Variants in YY1 observed in about 807,000 individuals in gnomAD.
YY1 encodes the protein YY1 transcription factor.
Under a neutral mutation model 35.6 loss-of-function variants are expected in YY1, and 2 were observed. The observed-to-expected ratio is 0.06, with a 90% CI of 0.02 to 0.18. The LOEUF (loss-of-function observed/expected upper bound fraction) is 0.18, where lower values mean the gene tolerates loss of function less well. Among genes scored for constraint, YY1 ranks in the 10% least tolerant of loss-of-function variants. The probability of loss-of-function intolerance (pLI) is 1.00; values close to 1 mark genes in which losing one functional copy is unlikely to be tolerated. For missense variants in YY1, 322 were observed against 573.4 expected (o/e 0.56, Z 4.48); for synonymous variants, 268 against 238.9 (o/e 1.12, Z -1.12).
At chr14:100,248,548 C>T (rs1027824644) in intron 1 of YY1, among the ~76,000 whole-genome samples, 9 of 152,100 alleles carry the variant, frequency 5.9e-5, no homozygotes, top group African/African-American at 2.2e-4. Context: ...CTGGAGTGCA[C>T]TGGCTATTCA....
At chr14:100,274,615 G>A in intron 2 of YY1, 83 bp from the exon 3 acceptor site, 3 of 1,234,470 alleles carry the variant, frequency 2.4e-6, no homozygotes, top group Non-Finnish European at 3.6e-6. Flanking sequence ...TATAAGGAAA[G>A]CATTTTAGGG....
chr14:100,240,677 C>T (rs1413855429), intron 1 of YY1, among the ~76,000 whole-genome samples: 2 of 152,332 alleles, frequency 1.3e-5, no homozygotes, highest in African/African-American at 2.4e-5. Flanking sequence ...GAGCGTCAGT[C>T]GGAGCCTGTC....
chr14:100,272,147 T>C (rs1891247796), intron 2 of YY1, among the ~76,000 whole-genome samples: 1 of 151,868 alleles, frequency 6.6e-6, no homozygotes, highest in Admixed American at 6.6e-5. Context: ...TACAAAAAAA[T>C]TAGCCGGGCA....
chr14:100,239,400 G>C lies in YY1; in HGVS notation c.156G>C (p.Glu52Asp). ...AGGAGGAGGAGGACGACGACGACGA[G>C]GACGGCGGCGGTGGCGACCACGGCG... Reference protein sequence around the residue: ...GEEEEEDDDDEDGGGGDHGGG... With the variant: ...GEEEEEDDDDDDGGGGDHGGG... The change falls in exon 1 of 5, where the codon GAG becomes GAC. Residue 52 changes from glutamate (E) to aspartate (D), a missense_variant. Glu to Asp is a conservative substitution (Grantham distance 45). Transcript: ENST00000262238. The C allele has an allele frequency of 6.3e-7, 1 of 1,597,316 alleles. No individual in the cohort carries two copies. The highest frequency in any genetic ancestry group is 1.1e-5 in the South Asian group (1 of 89,770).
At chr14:100,251,350 A>G (rs758824881) in intron 1 of YY1, among the ~76,000 whole-genome samples, 4 of 152,238 alleles carry the variant, frequency 2.6e-5, no homozygotes, top group Non-Finnish European at 5.9e-5. Flanking sequence ...AAGCTAGAAT[A>G]TGTGAGGGAC....
chr14:100,264,039 A>AT (rs1200812902), intron 2 of YY1: 1 of 149,096 alleles, frequency 6.7e-6, no homozygotes, highest in East Asian at 2.0e-4. Context: ...ATTTTATTTT[A>AT]TTTTTTGTAG....
chr14:100,243,604 G>C (rs1890782843), intron 1 of YY1, among the ~76,000 whole-genome samples: 1 of 151,816 alleles, frequency 6.6e-6, no homozygotes, highest in South Asian at 2.1e-4. Flanking sequence ...ATGAACCTTG[G>C]CAATATAGTG....
At chr14:100,272,071 C>T (rs1199618489) in intron 2 of YY1, among the ~76,000 whole-genome samples, 1 of 151,508 alleles carries the variant, frequency 6.6e-6, no homozygotes, top group Admixed American at 6.6e-5. Flanking sequence ...CGTGGGTGGG[C>T]GGATCACGAG....
intron 2 of YY1, among the ~76,000 whole-genome samples, chr14:100,272,972 T>G (rs1595333018): frequency 6.6e-6 from 1 of 150,728 alleles, no homozygotes; most frequent in Non-Finnish European, 1.5e-5. Context: ...TTTGTTTTTT[T>G]TTTTTTGAGA....
intron 1 of YY1, among the ~76,000 whole-genome samples, chr14:100,245,884 G>A (rs1890825478): frequency 6.6e-6 from 1 of 152,164 alleles, no homozygotes; most frequent in Non-Finnish European, 1.5e-5. Context: ...TGGGATTACA[G>A]ACGTGAGCCA....
intron 2 of YY1, among the ~76,000 whole-genome samples, chr14:100,269,131 C>T (rs943323870): frequency 5.9e-5 from 9 of 152,112 alleles, no homozygotes; most frequent in Non-Finnish European, 1.2e-4. Context: ...ACATGTACTG[C>T]GTTGAGGGGT....
At chr14:100,250,287 T>TG (rs1477380853) in intron 1 of YY1, among the ~76,000 whole-genome samples, 1 of 152,210 alleles carries the variant, frequency 6.6e-6, no homozygotes, top group Non-Finnish European at 1.5e-5. Context: ...TTTTGCCTGT[T>TG]GCTAAGCAGT....
rs979906702 is a variant in YY1 at position 100,264,643 on chromosome 14, G to C, written c.842+2177G>C. Among the ~76,000 whole-genome samples, 8 of 152,196 alleles carry C rather than the reference G, an allele frequency of 5.3e-5. No homozygotes were observed. In the East Asian group the frequency reaches 1.5e-3, roughly 29 times the overall value. ...GGCAGCTACTGCAGACTTTGAGCTG[G>C]GGAGAAGGGGCTGTGTGAGTAGAGC... On this transcript the variant is annotated intron_variant, in intron 2 of 4. Coordinates refer to ENST00000262238, the MANE Select transcript of YY1 (RefSeq NM_003403.5).
At chr14:100,266,803 G>C (rs1433621977) in intron 2 of YY1, among the ~76,000 whole-genome samples, 1 of 152,192 alleles carries the variant, frequency 6.6e-6, no homozygotes, top group Non-Finnish European at 1.5e-5. Context: ...TAAACATAGA[G>C]TTATTGATCC....
At chr14:100,264,580 C>T (rs951440647) in intron 2 of YY1, among the ~76,000 whole-genome samples, 1 of 152,172 alleles carries the variant, frequency 6.6e-6, no homozygotes, top group Non-Finnish European at 1.5e-5. Context: ...GGCGATGAAT[C>T]CTAGGCCAGG....
At chr14:100,249,100 A>ATTTTTTTTTTTTTT (rs60088505) in intron 1 of YY1, among the ~76,000 whole-genome samples, 1 of 46,836 alleles carries the variant, frequency 2.1e-5, no homozygotes, top group African/African-American at 6.9e-5. Context: ...TTCTCGTGTA[A>ATTTTTTTTTTTTTT]TTTTTTTTTT....
chr14:100,269,237 A>C (rs1891198694), intron 2 of YY1, among the ~76,000 whole-genome samples: 1 of 152,210 alleles, frequency 6.6e-6, no homozygotes, highest in African/African-American at 2.4e-5. Flanking sequence ...CATTTCACAC[A>C]TAGCCAATGG....
intron 1 of YY1, among the ~76,000 whole-genome samples, chr14:100,250,961 C>A (rs1358631597): frequency 1.3e-5 from 2 of 152,028 alleles, no homozygotes; most frequent in Non-Finnish European, 2.9e-5. Context: ...GAGCTCCACT[C>A]CAGCCTGGAT....
At chr14:100,260,471 T>A (rs949299194) in intron 1 of YY1, among the ~76,000 whole-genome samples, 1 of 16,970 alleles carries the variant, frequency 5.9e-5, no homozygotes, top group South Asian at 5.7e-3. Context: ...ATATATGTAT[T>A]TTTTTTTTTT....
Sources: gnomAD v4.1 joint callset for allele counts (sites outside exome capture counted in the v4.1 genomes callset) on GRCh38, gnomAD v4.1.1 for gene constraint, MANE v1.5 for transcripts, NCBI Gene and HGNC (gene_info 2026-07-23, HGNC 2026-07-21) for gene names.